ARHGEF4: variants seen among roughly 807,000 people sequenced by gnomAD.
ARHGEF4 encodes APC-stimulated guanine nucleotide exchange factor 1.
In ARHGEF4, 119 loss-of-function variants were observed where a neutral mutation model predicts 162.0. The observed-to-expected ratio is 0.73, with a 90% CI of 0.63 to 0.86. ARHGEF4 has a LOEUF of 0.86. Among genes scored for constraint, ARHGEF4 ranks in the 40% least tolerant of loss-of-function variants. The pLI, the probability that ARHGEF4 is intolerant of heterozygous loss-of-function variation, is 0.00. For missense variants in ARHGEF4, 2,488 were observed against 2,456.0 expected (o/e 1.01, Z -0.28); for synonymous variants, 1,014 against 979.9 (o/e 1.03, Z -0.65).
intron 4 of ARHGEF4, among the ~76,000 whole-genome samples, chr2:130,957,601 A>G (rs944474158): frequency 2.0e-5 from 3 of 152,174 alleles, no homozygotes; most frequent in African/African-American, 7.2e-5. Flanking sequence ...CGTGGGCTGG[A>G]TGTTTGTGTT....
chr2:130,897,499 C>T (rs1490467861), intron 1 of ARHGEF4, among the ~76,000 whole-genome samples: 2 of 152,128 alleles, frequency 1.3e-5, no homozygotes, highest in Admixed American at 6.5e-5. Flanking sequence ...TGGGGCCTGG[C>T]GGGACACCAG....
chr2:130,886,209 A>C (rs12997557), intron 1 of ARHGEF4, among the ~76,000 whole-genome samples: 23,381 of 151,710 alleles, frequency 0.15, 2,149 homozygotes, highest in Admixed American at 0.23. Flanking sequence ...TACTATGTTG[A>C]TGGATTTGAT....
chr2:131,023,072 CTCAAAAAAAA>C (rs1431039800), intron 4 of ARHGEF4, among the ~76,000 whole-genome samples: 1 of 5,604 alleles, frequency 1.8e-4, no homozygotes, highest in Non-Finnish European at 1.1e-3. Context: ...GAAACCCTGT[CTCAAAAAAAA>C]AAAAAAAAAA....
At chr2:130,968,937 A>C (rs1292380298) in intron 4 of ARHGEF4, among the ~76,000 whole-genome samples, 1 of 152,168 alleles carries the variant, frequency 6.6e-6, no homozygotes, top group African/African-American at 2.4e-5. Context: ...AATTAAATTA[A>C]AAATAAAGAA....
At chr2:130,893,793 G>C (rs1679999357) in intron 1 of ARHGEF4, among the ~76,000 whole-genome samples, 1 of 152,226 alleles carries the variant, frequency 6.6e-6, no homozygotes. Flanking sequence ...AGGGGCCTAA[G>C]GAGGCTCTTG....
chr2:130,945,943 T>A (rs530376453), intron 3 of ARHGEF4, among the ~76,000 whole-genome samples: 2 of 152,310 alleles, frequency 1.3e-5, no homozygotes, highest in East Asian at 3.9e-4. Context: ...CATACCACAA[T>A]TTTTAAGTTA....
intron 1 of ARHGEF4, among the ~76,000 whole-genome samples, chr2:130,896,265 A>G (rs1559025519): frequency 6.6e-6 from 1 of 152,216 alleles, no homozygotes; most frequent in Non-Finnish European, 1.5e-5. Context: ...GAATACTTGT[A>G]ATGCCATATT....
At chr2:130,949,864 G>A (rs773169936) in intron 4 of ARHGEF4, among the ~76,000 whole-genome samples, 1 of 152,148 alleles carries the variant, frequency 6.6e-6, no homozygotes, top group East Asian at 1.9e-4. Flanking sequence ...GGCCAGGCTG[G>A]TCTCGAACTC....
At chr2:130,940,530 C>T (rs1192885657) in intron 3 of ARHGEF4, among the ~76,000 whole-genome samples, 4 of 151,394 alleles carry the variant, frequency 2.6e-5, no homozygotes, top group Non-Finnish European at 5.9e-5. Context: ...CTCCTGACCT[C>T]GGATGGTAGT....
intron 4 of ARHGEF4, among the ~76,000 whole-genome samples, chr2:131,016,022 C>G (rs565631608): frequency 3.5e-4 from 54 of 152,262 alleles, no homozygotes; most frequent in African/African-American, 1.1e-3. Context: ...CCCCGGGAGC[C>G]TCACCTCTCA....
In ARHGEF4 at chr2:131,046,047, G is replaced by A. The variant is rs528934869; in HGVS notation, c.5489G>A (p.Arg1830Gln). The change falls in exon 14 of 14, where the codon CGG (arginine) becomes CAG (glutamine). Residue 1830 changes from arginine (R) to glutamine (Q), a missense_variant. Coordinates refer to ENST00000409359, the MANE Select transcript of ARHGEF4 (RefSeq NM_001367493.1). ...GTCTCTCCCTGTTCAGCTGTTGGCC[G>A]GCCCTGCTACCTGACGCGCCAGAAG... is the stretch of plus-strand genomic sequence containing the variant. ...QVTGKPKAVG[R>Q]PCYLTRQKHP... The A allele has an allele frequency of 7.7e-4, 1,239 of 1,610,932 alleles. 20 individuals carry two copies. In the South Asian group the frequency reaches 0.012, roughly 15 times the overall value.
chr2:130,953,091 A>G (rs1684052584), intron 4 of ARHGEF4, among the ~76,000 whole-genome samples: 1 of 152,236 alleles, frequency 6.6e-6, no homozygotes, highest in African/African-American at 2.4e-5. Flanking sequence ...AAAAGCCCGC[A>G]TTGCCAAGAC....
At chr2:130,927,179 G>A (rs1013589966) in intron 2 of ARHGEF4, among the ~76,000 whole-genome samples, 1 of 152,118 alleles carries the variant, frequency 6.6e-6, no homozygotes, top group African/African-American at 2.4e-5. Flanking sequence ...CCAAGATGGT[G>A]ATACTCCTGC....
chr2:130,914,897 T>A lies in ARHGEF4; in HGVS notation c.951T>A (p.Gly317=). The A allele has an allele frequency of 6.6e-7, 1 of 1,503,818 alleles. No homozygotes were observed. The allele number at this position is 1,503,818 out of a possible 1,614,324, so 93.2% of individuals were successfully genotyped here. A position where few individuals can be genotyped will look rare whatever the true frequency, so the allele number is the denominator to read the frequency against. The stretch of plus-strand genomic sequence containing the variant: ...ACCATAGTGCCCCAGAAACTACTGG[T>A]GACAAGAACAGGGCATCCCCCAGAC... ...NRHHSAPETT[G]DKNRASPRLN... Residue 317 remains glycine, a synonymous_variant, in exon 2 of 14, where the codon GGT becomes GGA. Coordinates refer to ENST00000409359, the MANE Select transcript of ARHGEF4 (RefSeq NM_001367493.1).
chr2:130,889,811 C>CAAAAAAAAAAAAA (rs35297177), intron 1 of ARHGEF4, among the ~76,000 whole-genome samples: 1 of 67,672 alleles, frequency 1.5e-5, no homozygotes, highest in South Asian at 5.3e-4. Context: ...GACTCCGTCT[C>CAAAAAAAAAAAAA]AAAAAAAAAA....
intron 1 of ARHGEF4, among the ~76,000 whole-genome samples, chr2:130,865,756 C>T (rs577914573): frequency 6.6e-6 from 1 of 152,080 alleles, no homozygotes. Flanking sequence ...TTTTCTTTTC[C>T]CTTGGGGTCA....
intron 1 of ARHGEF4, among the ~76,000 whole-genome samples, chr2:130,913,092 G>A (rs1420689320): frequency 6.6e-6 from 1 of 152,034 alleles, no homozygotes; most frequent in African/African-American, 2.4e-5. Flanking sequence ...CATCGGCTGG[G>A]GGTCTTGGAA....
At chr2:130,888,574 G>A (rs973485633) in intron 1 of ARHGEF4, among the ~76,000 whole-genome samples, 7 of 151,962 alleles carry the variant, frequency 4.6e-5, no homozygotes, top group South Asian at 2.1e-4. Context: ...ACTAATTTTC[G>A]GTTGTGGTAT....
At chr2:130,994,582 T>C (rs750230422) in intron 4 of ARHGEF4, among the ~76,000 whole-genome samples, 3 of 152,218 alleles carry the variant, frequency 2.0e-5, no homozygotes, top group Non-Finnish European at 4.4e-5. Context: ...CGTTGTTTTG[T>C]AAAGTTCATG....
Sources: allele counts gnomAD v4.1 joint callset (sites outside exome capture counted in the v4.1 genomes callset), GRCh38; gene constraint gnomAD v4.1.1; transcripts MANE v1.5; gene names NCBI Gene and HGNC (gene_info 2026-07-23, HGNC 2026-07-21).